IGSF10: variants seen among roughly 807,000 people sequenced by gnomAD.
IGSF10 encodes the protein immunoglobulin superfamily member 10.
A neutral mutation model predicts 128.2 loss-of-function variants in IGSF10; 126 were observed. The observed-to-expected ratio is 0.98, with a 90% CI of 0.85 to 1.14. The LOEUF is 1.14. Among genes scored for constraint, IGSF10 ranks in the 50% most tolerant of loss-of-function variants. The probability of loss-of-function intolerance (pLI) is 0.00; values close to 1 mark genes in which losing one functional copy is unlikely to be tolerated. For synonymous variants in IGSF10, 1,185 were observed against 1,146.2 expected (o/e 1.03, Z -0.68); for missense variants, 3,295 against 3,149.8 (o/e 1.05, Z -1.10).
chr3:151,576,133 C>A, the IGSF10 span, among the ~76,000 whole-genome samples: 11 of 151,516 alleles, frequency 7.3e-5, no homozygotes. Flanking sequence ...CTTAATTTAC[C>A]TCTTCCAGTT....
At chr3:151,531,030 G>A in the IGSF10 span, among the ~76,000 whole-genome samples, 31 of 152,210 alleles carry the variant, frequency 2.0e-4, no homozygotes, top group Non-Finnish European at 3.2e-4. Flanking sequence ...AAAGGCAGGG[G>A]TTGCAATCCT....
At chr3:151,520,336 G>A in the IGSF10 span, among the ~76,000 whole-genome samples, 9 of 151,830 alleles carry the variant, frequency 5.9e-5, no homozygotes, top group African/African-American at 2.2e-4. Context: ...GCTAGGAAAG[G>A]ATGGTAAAAG....
the IGSF10 span, among the ~76,000 whole-genome samples, chr3:151,547,006 G>A: frequency 3.3e-5 from 3 of 90,208 alleles, no homozygotes; most frequent in South Asian, 4.4e-4. Flanking sequence ...TCTGACCTCC[G>A]GCGATCCACC....
the IGSF10 span, among the ~76,000 whole-genome samples, chr3:151,582,740 A>G: frequency 6.6e-6 from 1 of 152,182 alleles, no homozygotes; most frequent in Non-Finnish European, 1.5e-5. Flanking sequence ...ATTGTCATAT[A>G]TCTTAAACAG....
the IGSF10 span, among the ~76,000 whole-genome samples, chr3:151,597,214 G>GTGGACACAGTGAGGAAA: frequency 1.3e-5 from 2 of 152,206 alleles, no homozygotes; most frequent in African/African-American, 4.8e-5. Flanking sequence ...TGTAGGTGTT[G>GTGGACACAGTGAGGAAA]TGGACACAGT....
In IGSF10 at chr3:151,447,126, T is replaced by C; in HGVS notation, c.2855A>G (p.Asn952Ser). The change falls in exon 6 of 8, where the codon AAT becomes AGT. Residue 952 changes from asparagine to serine, a missense_variant. By Grantham distance (46) the Asn-to-Ser change is conservative. Coordinates refer to ENST00000282466, the MANE Select transcript of IGSF10 (RefSeq NM_178822.5). ...TTCTCTTACAGATGTCTGATGACTA[T>C]TTGTGGTATTTACTGACTCTAATAA... ...KLLLESVNTT[N>S]SHQTSVREVS... 6.2e-7 allele frequency: 1 copy of C among 1,614,198 alleles called. No individual in the cohort carries two copies. The highest frequency in any genetic ancestry group is 8.5e-7 in the Non-Finnish European group (1 of 1,180,018).
the IGSF10 span, among the ~76,000 whole-genome samples, chr3:151,608,952 C>G: frequency 6.6e-6 from 1 of 152,166 alleles, no homozygotes; most frequent in African/African-American, 2.4e-5. Flanking sequence ...TGATTTAATA[C>G]TGATGCCAGA....
chr3:151,487,958 T>C, the IGSF10 span, among the ~76,000 whole-genome samples: 2 of 152,040 alleles, frequency 1.3e-5, no homozygotes, highest in African/African-American at 4.8e-5. Context: ...CTATTAAACA[T>C]AGTATTGGAA....
chr3:151,576,260 C>T, the IGSF10 span, among the ~76,000 whole-genome samples: 1 of 151,950 alleles, frequency 6.6e-6, no homozygotes, highest in African/African-American at 2.4e-5. Flanking sequence ...TTTAGCATTA[C>T]AAAATATCCG....
the IGSF10 span, among the ~76,000 whole-genome samples, chr3:151,499,098 ATAAT>A: frequency 6.6e-6 from 1 of 152,176 alleles, no homozygotes; most frequent in Non-Finnish European, 1.5e-5. Context: ...ACATCTGCAG[ATAAT>A]TAAACACTTG....
the IGSF10 span, among the ~76,000 whole-genome samples, chr3:151,530,005 G>A: frequency 6.6e-6 from 1 of 151,946 alleles, no homozygotes; most frequent in African/African-American, 2.4e-5. Context: ...TCAGTTTAGA[G>A]AAGAACATAA....
the IGSF10 span, among the ~76,000 whole-genome samples, chr3:151,596,464 A>T: frequency 0.24 from 34,111 of 144,864 alleles, 4,255 homozygotes; most frequent in South Asian, 0.49. Context: ...CAAAACAAAG[A>T]TATTATGGTG....
the IGSF10 span, among the ~76,000 whole-genome samples, chr3:151,501,434 A>G: frequency 7.6e-6 from 1 of 131,822 alleles, no homozygotes; most frequent in South Asian, 2.6e-4. Flanking sequence ...AAAATAATGT[A>G]CTTAGTATAA....
the IGSF10 span, among the ~76,000 whole-genome samples, chr3:151,553,883 T>C: frequency 1.3e-5 from 2 of 151,444 alleles, no homozygotes; most frequent in Non-Finnish European, 2.9e-5. Context: ...AGTGACCAAG[T>C]TGGGAGGAGC....
chr3:151,559,317 C>T, the IGSF10 span, among the ~76,000 whole-genome samples: 1 of 152,166 alleles, frequency 6.6e-6, no homozygotes, highest in Admixed American at 6.6e-5. Flanking sequence ...ACCTCAAGGT[C>T]TGGCTTCACA....
At chr3:151,525,778 T>G in the IGSF10 span, among the ~76,000 whole-genome samples, 1 of 152,110 alleles carries the variant, frequency 6.6e-6, no homozygotes, top group Non-Finnish European at 1.5e-5. Context: ...TTTTAAGGGG[T>G]TTGCCAAATT....
chr3:151,469,087 C>T, the IGSF10 span, among the ~76,000 whole-genome samples: 1 of 152,196 alleles, frequency 6.6e-6, no homozygotes, highest in Admixed American at 6.5e-5. Flanking sequence ...TTTATAGCTG[C>T]ATAGTATTTC....
chr3:151,455,753 G>A (rs1265365118), intron 4 of IGSF10, among the ~76,000 whole-genome samples: 4 of 152,096 alleles, frequency 2.6e-5, no homozygotes, highest in African/African-American at 7.2e-5. Flanking sequence ...TTTTGGTTAT[G>A]AGTAATATGA....
At chr3:151,550,348 T>C in the IGSF10 span, among the ~76,000 whole-genome samples, 2 of 152,202 alleles carry the variant, frequency 1.3e-5, no homozygotes, top group Admixed American at 1.3e-4. Context: ...ATCTTCTAGA[T>C]TGTCTTTTAT....
Sources: gnomAD v4.1 joint callset for allele counts (sites outside exome capture counted in the v4.1 genomes callset) on GRCh38, gnomAD v4.1.1 for gene constraint, MANE v1.5 for transcripts, NCBI Gene and HGNC (gene_info 2026-07-23, HGNC 2026-07-21) for gene names.